Variants in MEIG1 observed in about 807,000 individuals in gnomAD.
MEIG1 encodes meiosis/spermiogenesis associated 1.
MEIG1 carries 12 observed loss-of-function variants against 11.3 expected under a neutral mutation model. The observed-to-expected ratio is 1.07, with a 90% CI of 0.68 to 1.73. The LOEUF is 1.73. Among genes scored for constraint, MEIG1 ranks in the 40% most tolerant of loss-of-function variants. MEIG1 has a pLI of 0.00. For missense variants in MEIG1, 119 were observed against 104.9 expected (o/e 1.13, Z -0.59); for synonymous variants, 41 against 33.2 (o/e 1.24, Z -0.81).
chr10:14,980,706 G>A (rs1246985880), intron 1 of MEIG1, among the ~76,000 whole-genome samples: 1 of 152,128 alleles, frequency 6.6e-6, no homozygotes, highest in Non-Finnish European at 1.5e-5. Flanking sequence ...GAGGTCTCGA[G>A]CCAACGCCTC....
At chr10:14,964,256 C>T (rs1177649074) in intron 1 of MEIG1, among the ~76,000 whole-genome samples, 1 of 152,026 alleles carries the variant, frequency 6.6e-6, no homozygotes, top group Non-Finnish European at 1.5e-5. Context: ...TAACAGTCTT[C>T]ATTATCTTTT....
chr10:14,975,788 AT>A (rs1843203516), downstream of MEIG1, among the ~76,000 whole-genome samples: 1 of 152,080 alleles, frequency 6.6e-6, no homozygotes, highest in Admixed American at 6.6e-5. Flanking sequence ...TCAATATCGC[AT>A]GGGATGGACA....
intron 1 of MEIG1, among the ~76,000 whole-genome samples, chr10:14,964,046 C>G (rs547088470): frequency 6.8e-6 from 1 of 147,172 alleles, no homozygotes; most frequent in African/African-American, 2.5e-5. Context: ...TGCAGTGAGC[C>G]GAGATCGCGC....
At chr10:14,954,507 A>C, upstream of MEIG1, 1 of 238,688 alleles carries the variant, frequency 4.2e-6, no homozygotes, top group Admixed American at 5.0e-5. Context: ...CCAATTTCTA[A>C]CCTTGTGGGA....
chr10:14,971,909 C>A (rs1843155248), intron 2 of MEIG1, among the ~76,000 whole-genome samples: 1 of 152,142 alleles, frequency 6.6e-6, no homozygotes, highest in Non-Finnish European at 1.5e-5. Context: ...TTGACTACAG[C>A]AGTTCCAGGA....
At chr10:14,976,082 G>T (rs551110652), downstream of MEIG1, among the ~76,000 whole-genome samples, 5 of 152,126 alleles carry the variant, frequency 3.3e-5, no homozygotes, top group Admixed American at 6.5e-5. Flanking sequence ...CCGCATCGCG[G>T]GGGGCGTCCG....
chr10:14,976,280 T>A (rs1843209287), downstream of MEIG1, among the ~76,000 whole-genome samples: 1 of 152,044 alleles, frequency 6.6e-6, no homozygotes, highest in Non-Finnish European at 1.5e-5. Flanking sequence ...ATTCATAATA[T>A]TAATTACATA....
chr10:14,966,492 A>C lies in MEIG1; in HGVS notation c.24A>C (p.Pro8=), dbSNP rs1242937455. ...CCATGGCTAGTTCTGACGTAAAACCAAAATCAGTAAGTCATGCCAAAAAAT... is the reference window on the plus strand; with the variant it reads ...CCATGGCTAGTTCTGACGTAAAACCCAAATCAGTAAGTCATGCCAAAAAAT... MASSDVK[P]KSVSHAKKWS... Residue 8 remains proline, a synonymous_variant, in exon 2 of 3, where the codon CCA becomes CCC. Transcript: ENST00000407572. 10 of 1,610,072 alleles carry C rather than the reference A, an allele frequency of 6.2e-6. No homozygotes were observed. In the East Asian group the frequency reaches 2.2e-4, roughly 36 times the overall value.
At chr10:14,983,217 C>T (rs1843282936) in intron 1 of MEIG1, among the ~76,000 whole-genome samples, 1 of 151,978 alleles carries the variant, frequency 6.6e-6, no homozygotes, top group Admixed American at 6.6e-5. Context: ...TGAAGTTACT[C>T]CCAAGATAGC....
chr10:14,980,984 C>A (rs1843257150), intron 1 of MEIG1, among the ~76,000 whole-genome samples: 1 of 152,110 alleles, frequency 6.6e-6, no homozygotes, highest in Non-Finnish European at 1.5e-5. Flanking sequence ...AATCCTGTCC[C>A]GGCCTGTAGA....
chr10:14,966,391 A>G, intron 1 of MEIG1, 49 bp from the exon 2 acceptor site: 1 of 1,368,556 alleles, frequency 7.3e-7, no homozygotes, highest in Non-Finnish European at 9.8e-7. Context: ...GGGAATTTCA[A>G]AATTGTCACT....
At chr10:14,971,236 T>TAATAATAATAACAAC (rs1554806491) in intron 2 of MEIG1, among the ~76,000 whole-genome samples, 5 of 148,242 alleles carry the variant, frequency 3.4e-5, no homozygotes, top group African/African-American at 1.2e-4. Flanking sequence ...ATAATAATAA[T>TAATAATAATAACAAC]AACAACAATA....
At chr10:14,955,819 G>T (rs7068042), upstream of MEIG1, among the ~76,000 whole-genome samples, 2,438 of 152,306 alleles carry the variant, frequency 0.016, 66 homozygotes, top group African/African-American at 0.055. Context: ...GGGAGGAGGG[G>T]TGACATGGAA....
intron 2 of MEIG1, among the ~76,000 whole-genome samples, chr10:14,966,891 G>A (rs933522987): frequency 5.3e-5 from 8 of 152,130 alleles, no homozygotes; most frequent in African/African-American, 9.6e-5. Context: ...GCACCACCAC[G>A]CCTGGCTAAT....
chr10:14,956,551 C>T (rs1357130424), upstream of MEIG1, among the ~76,000 whole-genome samples: 1 of 152,144 alleles, frequency 6.6e-6, no homozygotes, highest in Non-Finnish European at 1.5e-5. Context: ...CATGGCACTC[C>T]AGCCTGGGCA....
At chr10:14,982,879 TG>T (rs1416821099) in intron 1 of MEIG1, among the ~76,000 whole-genome samples, 3 of 152,128 alleles carry the variant, frequency 2.0e-5, no homozygotes, top group Admixed American at 6.6e-5. Context: ...TAATGATGCC[TG>T]GTATTAATAA....
intron 1 of MEIG1, among the ~76,000 whole-genome samples, chr10:14,978,173 A>G (rs1843230499): frequency 6.6e-6 from 1 of 151,800 alleles, no homozygotes; most frequent in Non-Finnish European, 1.5e-5. Context: ...ACCACTCGCA[A>G]TATCCACAGG....
At chr10:14,955,875 G>A (rs1021772186), upstream of MEIG1, among the ~76,000 whole-genome samples, 1 of 152,300 alleles carries the variant, frequency 6.6e-6, no homozygotes, top group African/African-American at 2.4e-5. Context: ...TATCCTGCTA[G>A]TATACTACTG....
downstream of MEIG1, among the ~76,000 whole-genome samples, chr10:14,977,180 G>A (rs148515227): frequency 3.5e-3 from 527 of 151,968 alleles, 4 homozygotes; most frequent in African/African-American, 0.012. Flanking sequence ...TTACCCAGGG[G>A]TCTATACTCC....
Sources: allele counts gnomAD v4.1 joint callset (sites outside exome capture counted in the v4.1 genomes callset), GRCh38; gene constraint gnomAD v4.1.1; transcripts MANE v1.5; gene names NCBI Gene and HGNC (gene_info 2026-07-23, HGNC 2026-07-21).